The following ANKRD36C variants were observed in gnomAD, a reference collection of about 807,000 sequenced individuals.
ANKRD36C encodes the protein ankyrin repeat domain-containing protein 36C.
Under a neutral mutation model 276.4 loss-of-function variants are expected in ANKRD36C, and 61 were observed. The ratio of observed to expected loss-of-function variants is 0.22; its 90% confidence interval spans 0.18 to 0.27. The LOEUF is 0.27. Ranked by LOEUF, ANKRD36C falls within the 10% of genes least tolerant of loss-of-function variation. ANKRD36C has a pLI of 1.00. For missense variants in ANKRD36C, 1,447 were observed against 2,032.3 expected (o/e 0.71, Z 5.54); for synonymous variants, 483 against 680.1 (o/e 0.71, Z 4.51).
chr2:95,970,579 C>T (rs1443758202), intron 6 of ANKRD36C, among the ~76,000 whole-genome samples: 1 of 152,116 alleles, frequency 6.6e-6, no homozygotes, highest in African/African-American at 2.4e-5. Flanking sequence ...ACAACAACAA[C>T]AACAAATCTT....
chr2:95,914,629 A>G (rs959300389), intron 38 of ANKRD36C, among the ~76,000 whole-genome samples: 4 of 151,508 alleles, frequency 2.6e-5, no homozygotes, highest in African/African-American at 7.3e-5. Flanking sequence ...AAACTCACAC[A>G]CCTGAGAATC....
At chr2:95,972,463 G>C (rs1253829983) in intron 6 of ANKRD36C, among the ~76,000 whole-genome samples, 1 of 152,218 alleles carries the variant, frequency 6.6e-6, no homozygotes, top group Non-Finnish European at 1.5e-5. Context: ...CCGGAAGCTT[G>C]TGCCTGGCTT....
rs1395186280 is a variant in ANKRD36C, at chr2:95,944,708, A to G, written c.1424-14T>C. 6.5e-7 allele frequency: 1 copy of G among 1,536,810 alleles called. No homozygotes were observed. Among genetic ancestry groups the G allele is most frequent in the East Asian group, 2.4e-5 (1 of 40,918 alleles). On this transcript the variant is annotated splice_polypyrimidine_tract_variant and intron_variant, in intron 18 of 66. Coordinates refer to ENST00000456556, the Ensembl canonical transcript of ANKRD36C. The stretch of plus-strand genomic sequence containing the variant: ...ATGCAGCATCTACTACAGTAAAAAC[A>G]AAGTCAAGAGTAGATGAAATGCATG...
At position 95,851,829 on chromosome 2, in the gene ANKRD36C, G is replaced by T. The variant is rs1337593707; in HGVS notation, c.5220-42C>A. The T allele has an allele frequency of 4.0e-6, 6 of 1,502,474 alleles. No homozygotes were observed. The Admixed American group carries it at 8.6e-5, about 22-fold the overall frequency. The allele number at this position is 1,502,474 out of a possible 1,614,324, so 93.1% of individuals were successfully genotyped here. Reference sequence around the variant, plus strand: ...AAAATAATTACTCTCACACATAATTGTTTTTAAATCATGTAAATTCTAAAC... The same window carrying T: ...AAAATAATTACTCTCACACATAATTTTTTTTAAATCATGTAAATTCTAAAC... On this transcript the variant is annotated intron_variant, in intron 65 of 66. Coordinates refer to ENST00000456556, the Ensembl canonical transcript of ANKRD36C.
At chr2:95,923,161 T>C (rs1377712965) in intron 32 of ANKRD36C, among the ~76,000 whole-genome samples, 1 of 151,658 alleles carries the variant, frequency 6.6e-6, no homozygotes, top group Non-Finnish European at 1.5e-5. Flanking sequence ...CTGTAAAATC[T>C]ATACTTCAAC....
intron 3 of ANKRD36C, among the ~76,000 whole-genome samples, chr2:95,985,666 G>A (rs1407114354): frequency 1.3e-5 from 2 of 152,108 alleles, no homozygotes; most frequent in African/African-American, 2.4e-5. Context: ...TTCTAACTGC[G>A]AACCAGCACA....
intron 4 of ANKRD36C, among the ~76,000 whole-genome samples, chr2:95,981,503 T>G (rs1486883938): frequency 1.3e-5 from 2 of 148,548 alleles, no homozygotes; most frequent in African/African-American, 2.4e-5. Flanking sequence ...TTACATTATA[T>G]TCTTACATAC....
At chr2:95,909,694 C>A (rs992377126) in intron 42 of ANKRD36C, among the ~76,000 whole-genome samples, 6 of 150,038 alleles carry the variant, frequency 4.0e-5, no homozygotes, top group African/African-American at 1.5e-4. Context: ...AAACATGTAT[C>A]TCTGATGCCT....
At chr2:95,946,156 G>GAAAAAAAAAAAAAAAAAAAAAAAAAA (rs56964568) in intron 17 of ANKRD36C, among the ~76,000 whole-genome samples, 7 of 73,304 alleles carry the variant, frequency 9.5e-5, no homozygotes, top group Non-Finnish European at 1.5e-4. Flanking sequence ...ACAGAGAGAG[G>GAAAAAAAAAAAAAAAAAAAAAAAAAA]AAAAAAAAAA....
At chr2:95,911,939 C>T (rs543612668) in intron 42 of ANKRD36C, among the ~76,000 whole-genome samples, 3 of 151,570 alleles carry the variant, frequency 2.0e-5, no homozygotes, top group South Asian at 4.1e-4. Flanking sequence ...TCTCCTTACA[C>T]CCTTGATGAA....
At chr2:95,871,533 G>A (rs908651576) in intron 59 of ANKRD36C, among the ~76,000 whole-genome samples, 1 of 151,814 alleles carries the variant, frequency 6.6e-6, no homozygotes, top group Non-Finnish European at 1.5e-5. Context: ...ACGTGGAAAG[G>A]AACAACCGGT....
chr2:95,865,192 T>G (rs1489681264), intron 60 of ANKRD36C, among the ~76,000 whole-genome samples: 11 of 151,918 alleles, frequency 7.2e-5, no homozygotes, highest in Non-Finnish European at 1.5e-4. Flanking sequence ...AAAATACTAC[T>G]GAGAAAATTA....
At chr2:95,921,520 C>G (rs534088333) in intron 34 of ANKRD36C, 87 bp downstream of exon 34, 25 of 1,518,348 alleles carry the variant, frequency 1.6e-5, no homozygotes, top group East Asian at 4.9e-5. Context: ...CGAGCCCCCC[C>G]ACCTGCCCTC....
chr2:95,946,025 GT>G (rs1294628434), intron 17 of ANKRD36C, among the ~76,000 whole-genome samples: 2 of 152,124 alleles, frequency 1.3e-5, no homozygotes, highest in Non-Finnish European at 2.9e-5. Context: ...AATTTGTTTT[GT>G]GTAAATACTT....
intron 42 of ANKRD36C, among the ~76,000 whole-genome samples, chr2:95,904,043 C>T (rs1676732063): frequency 1.1e-5 from 1 of 92,446 alleles, no homozygotes; most frequent in African/African-American, 4.5e-5. Flanking sequence ...TCAACTTTGT[C>T]TCATTTCTGT....
rs138648641 is a variant in ANKRD36C at position 95,961,776 on chromosome 2, ATCT to A, written c.901+573_901+575del. On this transcript the variant is annotated intron_variant, in intron 8 of 66. Transcript: ENST00000456556. ...TAGTTCCTGGAGCAGCCAAAATCTA[ATCT>A]TCTTTTATGCAAATATTCCAAATGC... Among the ~76,000 whole-genome samples, 103 of 152,154 alleles carry A rather than the reference ATCT, an allele frequency of 6.8e-4. 1 individual carries two copies. The East Asian group carries it at 0.015, about 22-fold the overall frequency.
intron 64 of ANKRD36C, 26 bp downstream of exon 84, chr2:95,853,683 G>A: frequency 6.4e-7 from 1 of 1,560,984 alleles, no homozygotes; most frequent in African/African-American, 1.4e-5. Context: ...ATTAACAGTT[G>A]TTGGTGTGCA....
intron 65 of ANKRD36C, 40 bp downstream of exon 85, chr2:95,852,086 T>C: frequency 6.3e-7 from 1 of 1,576,030 alleles, no homozygotes; most frequent in East Asian, 2.2e-5. Flanking sequence ...CTTTGCTTTA[T>C]AAATACTCAA....
At chr2:95,937,947 A>T (rs1677762840) in intron 22 of ANKRD36C, among the ~76,000 whole-genome samples, 1 of 152,262 alleles carries the variant, frequency 6.6e-6, no homozygotes, top group Non-Finnish European at 1.5e-5. Flanking sequence ...ATTGTGGTGC[A>T]GTCATAAAAC....
Sources: allele counts gnomAD v4.1 joint callset (sites outside exome capture counted in the v4.1 genomes callset), GRCh38; gene constraint gnomAD v4.1.1; transcripts MANE v1.5; gene names NCBI Gene and HGNC (gene_info 2026-07-23, HGNC 2026-07-21).